TAFA1: variants seen among roughly 807,000 people sequenced by gnomAD.
TAFA1 encodes TAFA chemokine like family member 1.
Under a neutral mutation model 18.5 loss-of-function variants are expected in TAFA1, and 4 were observed. The ratio of observed to expected loss-of-function variants is 0.22; its 90% CI spans 0.11 to 0.49. The LOEUF (loss-of-function observed/expected upper bound fraction) is 0.49, where lower values mean the gene tolerates loss of function less well. Ranked by LOEUF, TAFA1 falls within the 20% of genes least tolerant of loss-of-function variation. TAFA1 has a pLI of 0.98. For synonymous variants in TAFA1, 56 were observed against 55.2 expected (o/e 1.01, Z -0.06); for missense variants, 147 against 169.0 (o/e 0.87, Z 0.72).
At chr3:68,383,969 G>A (rs780456131) in intron 2 of TAFA1, among the ~76,000 whole-genome samples, 1 of 151,864 alleles carries the variant, frequency 6.6e-6, no homozygotes, top group Non-Finnish European at 1.5e-5. Flanking sequence ...GTGCATAGAG[G>A]TATTCATAAT....
At chr3:68,036,267 C>A (rs1029930091) in intron 2 of TAFA1, among the ~76,000 whole-genome samples, 1 of 151,638 alleles carries the variant, frequency 6.6e-6, no homozygotes, top group Non-Finnish European at 1.5e-5. Flanking sequence ...GGTGAAACCC[C>A]ATCTCTACTA....
In TAFA1 at chr3:68,320,981, G is replaced by A. The variant is rs73099644; in HGVS notation, c.119-96299G>A. ...TCTCCTCCAGCAGAACAGAGTAGAC[G>A]TTTCCACTTTTCATATACATTGGGG... On this transcript the variant is annotated intron_variant, in intron 2 of 4. Transcript: ENST00000478136. 5.5e-3 allele frequency among the ~76,000 whole-genome samples: 839 copies of A among 152,188 alleles called. 2 individuals are homozygous for A. Among genetic ancestry groups the A allele is most frequent in the Admixed American group, 8.5e-3 (130 of 15,290 alleles).
chr3:68,256,484 A>G (rs978822553), intron 2 of TAFA1, among the ~76,000 whole-genome samples: 2 of 152,164 alleles, frequency 1.3e-5, no homozygotes, highest in African/African-American at 4.8e-5. Flanking sequence ...CACATATTGT[A>G]GTACAAAGTC....
chr3:68,097,894 A>G (rs531377410), intron 2 of TAFA1, among the ~76,000 whole-genome samples: 1 of 152,306 alleles, frequency 6.6e-6, no homozygotes, highest in Admixed American at 6.5e-5. Flanking sequence ...ATGGCACAAT[A>G]AAATATGGCC....
At chr3:68,111,336 C>A in intron 2 of TAFA1, among the ~76,000 whole-genome samples, 1 of 151,720 alleles carries the variant, frequency 6.6e-6, no homozygotes, top group African/African-American at 2.4e-5. Flanking sequence ...AATTCCATGC[C>A]CAATAATAAT....
At chr3:68,420,611 AT>A (rs1226576099) in intron 3 of TAFA1, among the ~76,000 whole-genome samples, 2 of 152,148 alleles carry the variant, frequency 1.3e-5, no homozygotes, top group Non-Finnish European at 2.9e-5. Context: ...CCCAGGGATC[AT>A]TTGGTAATGT....
Position 68,439,404 on chromosome 3 carries a change from T to TATAC in TAFA1, c.259+21992_259+21995dup, listed in dbSNP as rs887220050. Among the ~76,000 whole-genome samples, 186 of 85,664 alleles carry TATAC rather than the reference T, an allele frequency of 2.2e-3. 8 individuals carry two copies. The highest frequency in any genetic ancestry group is 7.3e-3 in the African/African-American group (163 of 22,418). 56.2% of individuals were successfully genotyped at this position (85,664 alleles called of 152,430 possible). On this transcript the variant is annotated intron_variant, in intron 3 of 4. Coordinates refer to ENST00000478136, the MANE Select transcript of TAFA1 (RefSeq NM_213609.4). Reference sequence around the variant, plus strand: ...AGAGGGACAGAAGTAATAGAATATATATACATACATATATATATATATATA... The same window carrying TATAC: ...AGAGGGACAGAAGTAATAGAATATATATACATACATACATATATATATATATATA...
At chr3:68,153,322 T>C (rs1257009198) in intron 2 of TAFA1, among the ~76,000 whole-genome samples, 2 of 152,140 alleles carry the variant, frequency 1.3e-5, no homozygotes, top group African/African-American at 4.8e-5. Flanking sequence ...ATCACTGAAA[T>C]GAATAAAGTT....
chr3:68,492,250 A>T (rs1480811221), intron 3 of TAFA1, among the ~76,000 whole-genome samples: 2 of 152,176 alleles, frequency 1.3e-5, no homozygotes, highest in Non-Finnish European at 2.9e-5. Context: ...ACTGTGATTA[A>T]GTCTTGATAA....
the TAFA1 span, among the ~76,000 whole-genome samples, chr3:67,997,775 T>A: frequency 6.6e-6 from 1 of 152,068 alleles, no homozygotes; most frequent in Non-Finnish European, 1.5e-5. Context: ...CTATGTAGGA[T>A]CCTATAGAAA....
intron 2 of TAFA1, among the ~76,000 whole-genome samples, chr3:68,317,540 T>C (rs530157347): frequency 1.3e-5 from 2 of 152,214 alleles, no homozygotes; most frequent in East Asian, 1.9e-4. Flanking sequence ...ATCCCATTGG[T>C]CAAAGAAAGT....
intron 3 of TAFA1, among the ~76,000 whole-genome samples, chr3:68,498,345 A>G (rs764240794): frequency 2.6e-5 from 4 of 152,190 alleles, no homozygotes; most frequent in Admixed American, 2.0e-4. Context: ...GGATGCAAAG[A>G]TGAATTAGTC....
chr3:68,390,114 C>T lies in TAFA1; in HGVS notation c.119-27166C>T, dbSNP rs920547190. On this transcript the variant is annotated intron_variant, in intron 2 of 4. Transcript: ENST00000478136. The stretch of plus-strand genomic sequence containing the variant: ...AGCTAAGGTCCACTGGCTTGAAATT[C>T]TCACGGCCAGCACAGCAGTCTGAAG... Among the ~76,000 whole-genome samples, 16 of 152,232 alleles carry T rather than the reference C, an allele frequency of 1.1e-4. No individual in the cohort carries two copies. The East Asian group carries it at 1.4e-3, about 13-fold the overall frequency.
intron 2 of TAFA1, among the ~76,000 whole-genome samples, chr3:68,212,205 G>A (rs1365771167): frequency 6.6e-6 from 1 of 151,370 alleles, no homozygotes; most frequent in African/African-American, 2.4e-5. Flanking sequence ...AATCAGACCA[G>A]GAAAGAGACT....
At chr3:68,075,721 A>C (rs1037515977) in intron 2 of TAFA1, among the ~76,000 whole-genome samples, 1 of 147,502 alleles carries the variant, frequency 6.8e-6, no homozygotes, top group African/African-American at 2.5e-5. Flanking sequence ...TTTTTGGACA[A>C]GGTTTTGCTC....
At chr3:68,388,989 A>G (rs996219669) in intron 2 of TAFA1, among the ~76,000 whole-genome samples, 1 of 152,240 alleles carries the variant, frequency 6.6e-6, no homozygotes, top group African/African-American at 2.4e-5. Context: ...CAATGAAAGT[A>G]AGAAAAGTAT....
chr3:68,394,841 A>G (rs1482475153), intron 2 of TAFA1, among the ~76,000 whole-genome samples: 1 of 152,202 alleles, frequency 6.6e-6, no homozygotes, highest in Admixed American at 6.5e-5. Flanking sequence ...AAAACCATAA[A>G]AACTCTAGAA....
chr3:68,414,575 C>T (rs1168892299), intron 2 of TAFA1, among the ~76,000 whole-genome samples: 1 of 152,084 alleles, frequency 6.6e-6, no homozygotes, highest in African/African-American at 2.4e-5. Context: ...GGGGACAATA[C>T]CTTGTAAAGT....
intron 3 of TAFA1, among the ~76,000 whole-genome samples, chr3:68,439,706 T>C (rs1575868427): frequency 6.6e-6 from 1 of 151,698 alleles, no homozygotes; most frequent in African/African-American, 2.4e-5. Context: ...TAAGGGTGGG[T>C]CTGCCTTTCC....
Sources: allele counts gnomAD v4.1 joint callset (sites outside exome capture counted in the v4.1 genomes callset), GRCh38; gene constraint gnomAD v4.1.1; transcripts MANE v1.5; gene names NCBI Gene and HGNC (gene_info 2026-07-23, HGNC 2026-07-21).